The following PARP11 variants were observed in gnomAD, a reference collection of about 807,000 sequenced individuals.
PARP11 encodes the protein poly(ADP-ribose) polymerase family member 11.
A neutral mutation model predicts 42.9 loss-of-function variants in PARP11; 31 were observed. The observed-to-expected ratio is 0.72, with a 90% CI of 0.54 to 0.98. The LOEUF (loss-of-function observed/expected upper bound fraction) is 0.98. Ranked by LOEUF, PARP11 falls within the 50% of genes least tolerant of loss-of-function variation. PARP11 has a pLI of 0.00. For synonymous variants in PARP11, 137 were observed against 127.3 expected (o/e 1.08, Z -0.51); for missense variants, 365 against 413.1 (o/e 0.88, Z 1.01).
chr12:3,839,559 A>G, intron 1 of PARP11: 3 of 1,458,172 alleles, frequency 2.1e-6, no homozygotes, highest in Non-Finnish European at 2.9e-6. Flanking sequence ...TAGGAGGATC[A>G]TTTGAAGGAT....
intron 1 of PARP11, among the ~76,000 whole-genome samples, chr12:3,865,924 C>CT (rs1376211580): frequency 1.4e-5 from 2 of 147,892 alleles, no homozygotes; most frequent in Middle Eastern, 3.6e-3. Context: ...TCTTTGTTCT[C>CT]TTTTTTTTCT....
Position 3,831,636 on chromosome 12 carries a change from T to A in PARP11, c.19-1618A>T, listed in dbSNP as rs181170174. ...AAGGGGGTTTGTTATTTTTTATATA[T>A]GTTTGGAAACTCAAGCAATGCTTTA... On this transcript the variant is annotated intron_variant, in intron 1 of 7. Transcript: ENST00000228820. 4.1e-3 allele frequency among the ~76,000 whole-genome samples: 618 copies of A among 152,268 alleles called. 4 individuals are homozygous for A. The highest frequency in any genetic ancestry group is 0.014 in the African/African-American group (590 of 41,570).
At chr12:3,844,371 C>G (rs769777077) in intron 1 of PARP11, among the ~76,000 whole-genome samples, 17 of 152,198 alleles carry the variant, frequency 1.1e-4, no homozygotes, top group Non-Finnish European at 2.1e-4. Context: ...TCTTTCTTAA[C>G]ACTGGTGGCT....
In PARP11 at chr12:3,811,553, G is replaced by C. The variant is rs74703324; in HGVS notation, c.*570C>G. On this transcript the variant is annotated 3_prime_UTR_variant, in exon 8 of 8. Coordinates refer to ENST00000228820, the MANE Select transcript of PARP11 (RefSeq NM_020367.6). ...CATTCTACCTTGATTTTCTCCTTCT[G>C]GCTTGTTTGACAGCACTGCAAATAA... 5.4e-4 allele frequency: 83 copies of C among 152,316 alleles called. No individual in the cohort carries two copies. Among genetic ancestry groups the C allele is most frequent in the African/African-American group, 1.9e-3 (79 of 41,538 alleles). The allele number at this position is 152,316 out of a possible 1,614,324, so 9.4% of individuals were successfully genotyped here. A position where few individuals can be genotyped will look rare whatever the true frequency, so the allele number is the denominator to read the frequency against.
intron 1 of PARP11, among the ~76,000 whole-genome samples, chr12:3,849,806 GC>G (rs1281343505): frequency 2.0e-5 from 3 of 152,106 alleles, no homozygotes; most frequent in Non-Finnish European, 4.4e-5. Flanking sequence ...TTTCAAAATA[GC>G]TAGAAGGGAA....
chr12:3,822,003 G>A lies in PARP11; in HGVS notation c.418C>T (p.Leu140Phe), dbSNP rs745922688. 1.2e-6 allele frequency: 2 copies of A among 1,606,642 alleles called. No individual in the cohort carries two copies. The highest frequency in any genetic ancestry group is 1.7e-6 in the Non-Finnish European group (2 of 1,177,276). ...TGTGTTTGATTGTGCAGAGGAATAA[G>A]CTGGAAAAATAAATTTGCATAGATT... ...ENVNTQVPYQ[L>F]IPLHNQTHEY... Residue 140 changes from leucine to phenylalanine, a missense_variant and splice_region_variant, in exon 6 of 8, where the codon CTT becomes TTT. By Grantham distance (22) the Leu-to-Phe change is conservative (BLOSUM62 0). Coordinates refer to ENST00000228820, the MANE Select transcript of PARP11 (RefSeq NM_020367.6).
chr12:3,828,848 A>T, intron 3 of PARP11, 62 bp downstream of exon 3: 1 of 1,450,502 alleles, frequency 6.9e-7, no homozygotes, highest in Non-Finnish European at 9.6e-7. Flanking sequence ...TGACCTTCAG[A>T]GCTGTAGATT....
chr12:3,862,614 AT>A (rs1312752962), intron 1 of PARP11, among the ~76,000 whole-genome samples: 12 of 149,668 alleles, frequency 8.0e-5, no homozygotes, highest in African/African-American at 2.9e-4. Flanking sequence ...TATATATATA[AT>A]TTTTATAGTA....
At chr12:3,829,223 T>C (rs902021726) in intron 2 of PARP11, among the ~76,000 whole-genome samples, 193 bp from the exon 3 acceptor site, 2 of 152,234 alleles carry the variant, frequency 1.3e-5, no homozygotes, top group African/African-American at 4.8e-5. Flanking sequence ...GGATCTCCAG[T>C]GAAGAGACAA....
intron 4 of PARP11, among the ~76,000 whole-genome samples, chr12:3,825,463 A>AC (rs1947499978): frequency 1.3e-5 from 2 of 152,182 alleles, no homozygotes; most frequent in African/African-American, 4.8e-5. Flanking sequence ...AACAAAGTGA[A>AC]CAACTACCTA....
intron 1 of PARP11, among the ~76,000 whole-genome samples, chr12:3,843,118 CA>C (rs1947928175): frequency 6.6e-6 from 1 of 152,144 alleles, no homozygotes; most frequent in Admixed American, 6.5e-5. Flanking sequence ...TCACATAAGG[CA>C]GCCTATTAAC....
intron 4 of PARP11, among the ~76,000 whole-genome samples, chr12:3,823,933 G>T (rs1436784625): frequency 1.3e-5 from 2 of 149,522 alleles, no homozygotes; most frequent in Non-Finnish European, 3.0e-5. Context: ...AAAAAAAAAT[G>T]CTACAGGAAC....
In PARP11 at chr12:3,816,201, A is replaced by T. The variant is rs1175280936; in HGVS notation, c.549-2013T>A. ...AAAAACAAACGAAAAAAGTTTTTTA[A>T]ATTAAAAAAAGAAGATAATACTTGT... On this transcript the variant is annotated intron_variant, in intron 6 of 7. Coordinates refer to ENST00000228820, the MANE Select transcript of PARP11 (RefSeq NM_020367.6). 2.0e-5 allele frequency among the ~76,000 whole-genome samples: 3 copies of T among 149,412 alleles called. No individual in the cohort carries two copies. The East Asian group carries it at 5.8e-4, about 29-fold the overall frequency.
At chr12:3,827,248 A>C (rs1947545961) in intron 3 of PARP11, among the ~76,000 whole-genome samples, 1 of 152,236 alleles carries the variant, frequency 6.6e-6, no homozygotes, top group Non-Finnish European at 1.5e-5. Context: ...CATGCCTCTG[A>C]AACAGGATCA....
At chr12:3,817,851 G>A (rs926054151) in intron 6 of PARP11, among the ~76,000 whole-genome samples, 25 of 152,160 alleles carry the variant, frequency 1.6e-4, no homozygotes, top group Non-Finnish European at 3.7e-4. Context: ...ATTTTTTAAG[G>A]TAAAAATGTC....
intron 3 of PARP11, among the ~76,000 whole-genome samples, 158 bp from the exon 4 acceptor site, chr12:3,826,391 A>G (rs540410995): frequency 6.6e-6 from 1 of 152,348 alleles, no homozygotes; most frequent in Non-Finnish European, 1.5e-5. Context: ...CCATGCAGCT[A>G]GCTATGTACC....
chr12:3,828,782 T>C (rs1947579906), intron 3 of PARP11, 128 bp downstream of exon 3: 7 of 755,546 alleles, frequency 9.3e-6, no homozygotes, highest in Non-Finnish European at 1.2e-5. Context: ...ATAGAGGTAT[T>C]TTTGTATATA....
intron 1 of PARP11, among the ~76,000 whole-genome samples, chr12:3,839,246 G>A (rs1947837694): frequency 6.6e-6 from 1 of 150,858 alleles, no homozygotes; most frequent in Admixed American, 6.6e-5. Flanking sequence ...CGAGCAGCCG[G>A]CGGCCTGGCC....
rs529260693 is a variant in PARP11, at chr12:3,873,301, T to C, written c.-72A>G. 35 of 1,476,796 alleles carry C rather than the reference T, an allele frequency of 2.4e-5. 1 individual carries two copies. The East Asian group carries it at 7.4e-4, about 31-fold the overall frequency. The allele number at this position is 1,476,796 out of a possible 1,614,324, so 91.5% of individuals were successfully genotyped here. ...CGCGGGGCCTGGGTGTTGGATTTTT[T>C]TTTTTCCCGCGGGTCCCCGGGAGCG... On this transcript the variant is annotated 5_prime_UTR_variant, in exon 1 of 8. Transcript: ENST00000228820.
Sources: gnomAD v4.1 joint callset for allele counts (sites outside exome capture counted in the v4.1 genomes callset) on GRCh38, gnomAD v4.1.1 for gene constraint, MANE v1.5 for transcripts, NCBI Gene and HGNC (gene_info 2026-07-23, HGNC 2026-07-21) for gene names.